The following RBFOX1 variants were observed in gnomAD, a reference collection of about 807,000 sequenced individuals.
The protein encoded by RBFOX1 is RNA binding fox-1 homolog 1, also known as RNA binding protein fox-1 homolog 1.
In RBFOX1, 8 loss-of-function variants were observed where a neutral mutation model predicts 57.7. The observed-to-expected ratio is 0.14, with a 90% CI of 0.08 to 0.25. RBFOX1 has a LOEUF of 0.25. Among genes scored for constraint, RBFOX1 ranks in the 10% least tolerant of loss-of-function variants. The pLI is 1.00. For missense variants in RBFOX1, 611 were observed against 548.5 expected, an observed-to-expected ratio of 1.11 and a Z score of -1.14; for synonymous variants, 326 against 222.4, an observed-to-expected ratio of 1.47 and a Z score of -4.15.
rs74012562 is a variant in RBFOX1, at chr16:7,413,976, C to T, written c.28-104171C>T. Among the ~76,000 whole-genome samples, 1,408 of 152,274 alleles carry T rather than the reference C, an allele frequency of 9.2e-3. 20 individuals are homozygous for T. Among genetic ancestry groups the T allele is most frequent in the African/African-American group, 0.032 (1,343 of 41,544 alleles). On this transcript the variant is annotated intron_variant, in intron 4 of 15. Coordinates refer to ENST00000550418, the MANE Select transcript of RBFOX1 (RefSeq NM_018723.4). The stretch of plus-strand genomic sequence containing the variant: ...TTCCAAACTCCAAGGAGATGGTTCT[C>T]AGATGTTGGTGACTATCATCACCTC...
intron 4 of RBFOX1, among the ~76,000 whole-genome samples, chr16:7,176,741 T>C (rs897166096): frequency 6.6e-6 from 1 of 152,194 alleles, no homozygotes; most frequent in Non-Finnish European, 1.5e-5. Context: ...TTCCTACTTT[T>C]ATTATAGTCA....
intron 1 of RBFOX1, among the ~76,000 whole-genome samples, chr16:5,408,602 G>T (rs548310741): frequency 6.6e-6 from 1 of 152,148 alleles, no homozygotes; most frequent in Non-Finnish European, 1.5e-5. Flanking sequence ...GTATTAGGCC[G>T]TTCTTGCATT....
intron 4 of RBFOX1, among the ~76,000 whole-genome samples, chr16:7,160,327 G>T (rs761849426): frequency 6.6e-6 from 1 of 152,028 alleles, no homozygotes; most frequent in Non-Finnish European, 1.5e-5. Context: ...TGACTGCCTA[G>T]TGTGTAAAAT....
intron 3 of RBFOX1, among the ~76,000 whole-genome samples, chr16:7,028,816 C>T (rs527594338): frequency 1.3e-5 from 2 of 151,020 alleles, no homozygotes; most frequent in Admixed American, 1.3e-4. Flanking sequence ...TCAACAAAGC[C>T]AGCAGTATGT....
Position 5,768,782 on chromosome 16 carries a change from C to T in RBFOX1, c.319-98521C>T, listed in dbSNP as rs184692188. Among the ~76,000 whole-genome samples, 62 of 152,260 alleles carry T rather than the reference C, an allele frequency of 4.1e-4. 1 individual carries two copies. Among genetic ancestry groups the T allele is most frequent in the African/African-American group, 1.4e-3 (58 of 41,536 alleles). On this transcript the variant is annotated intron_variant, in intron 3 of 19. Transcript: ENST00000641259. Reference sequence around the variant, plus strand: ...GGGGTGCTTTAGTAGCAAATGGCTTCTGTTGTGTCCAAATGGAGTCCCCTC... The same window carrying T: ...GGGGTGCTTTAGTAGCAAATGGCTTTTGTTGTGTCCAAATGGAGTCCCCTC...
chr16:5,781,668 A>G (rs2054328474), intron 3 of RBFOX1, among the ~76,000 whole-genome samples: 1 of 152,224 alleles, frequency 6.6e-6, no homozygotes, highest in South Asian at 2.1e-4. Context: ...TGCCAATAAA[A>G]CTTTATTTAC....
intron 3 of RBFOX1, among the ~76,000 whole-genome samples, chr16:6,766,588 A>G (rs1435269081): frequency 2.0e-5 from 3 of 152,004 alleles, no homozygotes; most frequent in Admixed American, 6.6e-5. Flanking sequence ...GGTACCTACT[A>G]GTCACATGGG....
At chr16:7,371,729 G>A (rs1222681852) in intron 4 of RBFOX1, among the ~76,000 whole-genome samples, 1 of 152,092 alleles carries the variant, frequency 6.6e-6, no homozygotes, top group Non-Finnish European at 1.5e-5. Flanking sequence ...CAGCCTGGGC[G>A]ACAAGAGCAA....
chr16:5,910,465 C>T (rs574106972), intron 4 of RBFOX1, among the ~76,000 whole-genome samples: 8 of 152,198 alleles, frequency 5.3e-5, no homozygotes, highest in Non-Finnish European at 1.0e-4. Flanking sequence ...GAAACATGGT[C>T]AGGAAAGTCT....
chr16:6,207,175 C>G (rs556382936), intron 1 of RBFOX1, among the ~76,000 whole-genome samples: 1 of 152,310 alleles, frequency 6.6e-6, no homozygotes, highest in Non-Finnish European at 1.5e-5. Flanking sequence ...TGCTGCTGGA[C>G]TCTTTCGTTT....
chr16:7,154,303 T>C (rs1250920680), intron 4 of RBFOX1, among the ~76,000 whole-genome samples: 1 of 152,108 alleles, frequency 6.6e-6, no homozygotes, highest in Non-Finnish European at 1.5e-5. Context: ...AAGAGACAAG[T>C]GAAAGATACA....
rs10775356 is a variant in RBFOX1, at chr16:7,451,691, G to C, written c.28-66456G>C. ...TGTTGGCTGCCCCTCCCCCCGCCCC[G>C]TATTCTCTTTGTGAAGTAGAGGCTT... On this transcript the variant is annotated intron_variant, in intron 4 of 15. Transcript: ENST00000550418. Among the ~76,000 whole-genome samples, 4 of 127,332 alleles carry C rather than the reference G, an allele frequency of 3.1e-5. No homozygotes were observed. In the South Asian group the frequency reaches 8.1e-4, roughly 26 times the overall value. 83.5% of individuals were successfully genotyped at this position (127,332 alleles called of 152,430 possible).
chr16:7,091,255 A>G (rs1230594878), intron 4 of RBFOX1, among the ~76,000 whole-genome samples: 1 of 147,874 alleles, frequency 6.8e-6, no homozygotes, highest in Admixed American at 6.9e-5. Context: ...TGCAATTTTT[A>G]ATTTTAACTT....
intron 1 of RBFOX1, among the ~76,000 whole-genome samples, chr16:6,249,417 C>G (rs143161233): frequency 6.6e-6 from 1 of 152,022 alleles, no homozygotes; most frequent in African/African-American, 2.4e-5. Context: ...CCCAGCTACT[C>G]GGGAGACTGA....
intron 3 of RBFOX1, among the ~76,000 whole-genome samples, chr16:6,937,728 G>A (rs1294544593): frequency 3.9e-5 from 6 of 152,238 alleles, no homozygotes; most frequent in African/African-American, 1.4e-4. Context: ...AGAATGTCTG[G>A]GTTAGGATAA....
intron 4 of RBFOX1, among the ~76,000 whole-genome samples, chr16:7,401,994 T>C (rs2098252179): frequency 6.6e-6 from 1 of 152,218 alleles, no homozygotes; most frequent in African/African-American, 2.4e-5. Flanking sequence ...TAGATGTTCT[T>C]TTCCTTCCCT....
intron 1 of RBFOX1, among the ~76,000 whole-genome samples, chr16:6,305,378 C>T (rs1301057641): frequency 6.6e-6 from 1 of 152,152 alleles, no homozygotes; most frequent in Non-Finnish European, 1.5e-5. Context: ...TATCAGAGTG[C>T]ATGACACAGA....
chr16:6,035,916 A>G (rs1246475411), intron 1 of RBFOX1, among the ~76,000 whole-genome samples: 2 of 152,250 alleles, frequency 1.3e-5, no homozygotes, highest in Non-Finnish European at 2.9e-5. Flanking sequence ...AGAAATGTCT[A>G]TTCTTAAAGC....
At chr16:7,338,577 G>C (rs959367362) in intron 4 of RBFOX1, among the ~76,000 whole-genome samples, 1 of 152,054 alleles carries the variant, frequency 6.6e-6, no homozygotes, top group Non-Finnish European at 1.5e-5. Flanking sequence ...TTCTTTTGTA[G>C]AGATGAGGTC....
Sources: gnomAD v4.1 joint callset for allele counts (sites outside exome capture counted in the v4.1 genomes callset) on GRCh38, gnomAD v4.1.1 for gene constraint, MANE v1.5 for transcripts, NCBI Gene and HGNC (gene_info 2026-07-23, HGNC 2026-07-21) for gene names.